The following CACNB2 variants were observed in gnomAD, a reference collection of about 807,000 sequenced individuals.
CACNB2 encodes the protein voltage-dependent L-type calcium channel subunit beta-2.
In CACNB2, 42 loss-of-function variants were observed where a neutral mutation model predicts 73.3. That is an observed-to-expected ratio of 0.57 (90% CI 0.45 to 0.74). The LOEUF (loss-of-function observed/expected upper bound fraction) is 0.74. CACNB2 is among the 30% of genes least tolerant of loss of function. The pLI is 0.00. For synonymous variants in CACNB2, 348 were observed against 310.3 expected (o/e 1.12, Z -1.28); for missense variants, 940 against 853.0 (o/e 1.10, Z -1.27).
At chr10:18,192,099 T>C (rs1305068436) in intron 2 of CACNB2, among the ~76,000 whole-genome samples, 1 of 151,140 alleles carries the variant, frequency 6.6e-6, no homozygotes, top group Non-Finnish European at 1.5e-5. Flanking sequence ...CCTGAAAAAA[T>C]CGTCTCCTCT....
chr10:18,183,595 C>A (rs1473889336), intron 2 of CACNB2, among the ~76,000 whole-genome samples: 4 of 152,144 alleles, frequency 2.6e-5, no homozygotes, highest in African/African-American at 4.8e-5. Context: ...ACCATCAGAT[C>A]TGGTGAGACT....
Position 18,534,194 on chromosome 10 carries a change from T to C in CACNB2, c.1173T>C (p.Pro391=), listed in dbSNP as rs1486922088. ...AACTCAGTAAAACCTCCTTGGCCCC[T>C]ATTATAGTATATGTAAAGATTTCTT... The part of the protein sequence containing the change: ...PAQLSKTSLA[P]IIVYVKISSP... Residue 391 remains proline, a synonymous_variant, in exon 11 of 14, where the codon CCT becomes CCC. Transcript: ENST00000324631. The C allele has an allele frequency of 6.2e-7, 1 of 1,613,510 alleles. No individual in the cohort carries two copies. The highest frequency in any genetic ancestry group is 8.5e-7 in the Non-Finnish European group (1 of 1,179,432).
At chr10:18,253,569 A>C (rs1303457008) in intron 2 of CACNB2, among the ~76,000 whole-genome samples, 27 of 152,144 alleles carry the variant, frequency 1.8e-4, no homozygotes, top group Non-Finnish European at 4.0e-4. Flanking sequence ...TGCCACCAAA[A>C]AGCTACCATT....
intron 3 of CACNB2, among the ~76,000 whole-genome samples, chr10:18,476,057 T>C (rs765893526): frequency 9.2e-5 from 14 of 152,204 alleles, no homozygotes; most frequent in African/African-American, 2.9e-4. Flanking sequence ...AATATACTTA[T>C]AGTTATTTCT....
chr10:18,212,738 A>G (rs2131357737), intron 2 of CACNB2, among the ~76,000 whole-genome samples: 1 of 152,326 alleles, frequency 6.6e-6, no homozygotes, highest in South Asian at 2.1e-4. Context: ...CCTGTCATAT[A>G]TGGAACAGCT....
At chr10:18,314,752 A>G (rs1453571340) in intron 2 of CACNB2, among the ~76,000 whole-genome samples, 1 of 151,426 alleles carries the variant, frequency 6.6e-6, no homozygotes, top group Non-Finnish European at 1.5e-5. Flanking sequence ...ACAGAATAAA[A>G]ACGTCTCCAA....
intron 2 of CACNB2, among the ~76,000 whole-genome samples, chr10:18,276,033 A>T (rs536759493): frequency 6.6e-6 from 1 of 152,348 alleles, no homozygotes; most frequent in South Asian, 2.1e-4. Flanking sequence ...ACATTTCAAC[A>T]TGTCAAAGTA....
chr10:18,456,982 C>G (rs972825401), intron 3 of CACNB2, among the ~76,000 whole-genome samples: 1 of 152,198 alleles, frequency 6.6e-6, no homozygotes, highest in Admixed American at 6.5e-5. Context: ...AAGGGCCCTT[C>G]AGACCTCTGC....
intron 8 of CACNB2, 115 bp downstream of exon 8, chr10:18,518,531 G>C: frequency 1.3e-6 from 1 of 787,812 alleles, no homozygotes; most frequent in Non-Finnish European, 2.3e-6. Flanking sequence ...CAACTTTAGA[G>C]CTTAGAGAGC....
intron 2 of CACNB2, among the ~76,000 whole-genome samples, chr10:18,331,288 A>AT (rs919129479): frequency 6.6e-6 from 1 of 151,426 alleles, no homozygotes; most frequent in Non-Finnish European, 1.5e-5. Context: ...CTGGCCATAA[A>AT]TTTTTTTTGA....
intron 5 of CACNB2, among the ~76,000 whole-genome samples, chr10:18,505,098 A>G (rs1274115277): frequency 6.6e-6 from 1 of 152,238 alleles, no homozygotes; most frequent in African/African-American, 2.4e-5. Flanking sequence ...AATAGAATTA[A>G]AAGTCAAGGA....
intron 2 of CACNB2, among the ~76,000 whole-genome samples, chr10:18,366,423 C>T (rs1257431158): frequency 6.7e-6 from 1 of 150,356 alleles, no homozygotes; most frequent in Non-Finnish European, 1.5e-5. Context: ...CAAGATCGCG[C>T]CACTGCACTC....
chr10:18,214,147 A>AACTGTATGGCGTGGCAACAGCTG (rs2035423197), intron 2 of CACNB2, among the ~76,000 whole-genome samples: 7 of 104,738 alleles, frequency 6.7e-5, no homozygotes, highest in African/African-American at 5.5e-5. Context: ...TAGAAGTATA[A>AACTGTATGGCGTGGCAACAGCTG]GTTCTTCTGA....
At chr10:18,499,485 C>G (rs183692822) in intron 4 of CACNB2, among the ~76,000 whole-genome samples, 308 of 152,004 alleles carry the variant, frequency 2.0e-3, no homozygotes, top group Non-Finnish European at 3.7e-3. Flanking sequence ...TGTAGTGGCA[C>G]ATGCCTGTAA....
intron 5 of CACNB2, among the ~76,000 whole-genome samples, chr10:18,501,760 T>G (rs1232342046): frequency 6.6e-6 from 1 of 152,218 alleles, no homozygotes; most frequent in East Asian, 1.9e-4. Context: ...CCTTTGTCAG[T>G]GATAATACTT....
chr10:18,515,082 G>A (rs779461362), intron 7 of CACNB2: 2 of 1,477,294 alleles, frequency 1.4e-6, no homozygotes, highest in Non-Finnish European at 1.9e-6. Context: ...TTCTCCCGAT[G>A]TTCTTGCCTT....
chr10:18,535,182 A>G (rs2053442097), intron 11 of CACNB2, among the ~76,000 whole-genome samples: 1 of 152,238 alleles, frequency 6.6e-6, no homozygotes, highest in African/African-American at 2.4e-5. Context: ...AAGACAGACC[A>G]ATGGAATGTC....
intron 2 of CACNB2, chr10:18,256,516 C>T (rs576837390): frequency 2.0e-5 from 3 of 152,358 alleles, no homozygotes; most frequent in African/African-American, 4.8e-5. Flanking sequence ...CAGGTAGTCC[C>T]AGCCTGAGTT....
chr10:18,442,943 T>TATATATATATAC, intron 3 of CACNB2, among the ~76,000 whole-genome samples: 1 of 23,368 alleles, frequency 4.3e-5, no homozygotes, highest in Non-Finnish European at 6.3e-5. Context: ...TATATATATG[T>TATATATATATAC]GTATATATAT....
Sources: gnomAD v4.1 joint callset for allele counts (sites outside exome capture counted in the v4.1 genomes callset) on GRCh38, gnomAD v4.1.1 for gene constraint, MANE v1.5 for transcripts, NCBI Gene and HGNC (gene_info 2026-07-23, HGNC 2026-07-21) for gene names.